Variants in CDK19 observed in about 807,000 individuals in gnomAD.
CDK19 encodes cyclin-dependent kinase 19.
In CDK19, 20 loss-of-function variants were observed where a neutral mutation model predicts 68.3. The observed-to-expected ratio is 0.29, with a 90% CI of 0.21 to 0.43. CDK19 has a LOEUF of 0.43. Ranked by LOEUF, CDK19 falls within the 20% of genes least tolerant of loss-of-function variation. The pLI is 1.00. For synonymous variants in CDK19, 221 were observed against 222.8 expected, an observed-to-expected ratio of 0.99 and a Z score of 0.07; for missense variants, 339 against 623.5, an observed-to-expected ratio of 0.54 and a Z score of 4.86.
intron 2 of CDK19, among the ~76,000 whole-genome samples, chr6:110,673,696 G>A (rs1385024187): frequency 6.6e-6 from 1 of 151,924 alleles, no homozygotes; most frequent in South Asian, 2.1e-4. Context: ...ACTTCCTTCA[G>A]GTGAGAAGTG....
At chr6:110,690,609 A>G (rs895568070) in intron 2 of CDK19, among the ~76,000 whole-genome samples, 7 of 152,236 alleles carry the variant, frequency 4.6e-5, no homozygotes, top group African/African-American at 1.7e-4. Context: ...GAAAAAATAA[A>G]TAAGTAAGTC....
chr6:110,654,464 G>A (rs1054701451), intron 4 of CDK19, among the ~76,000 whole-genome samples: 1 of 152,182 alleles, frequency 6.6e-6, no homozygotes, highest in Non-Finnish European at 1.5e-5. Context: ...TAGAGGGCAG[G>A]GAGAGTCATT....
intron 1 of CDK19, among the ~76,000 whole-genome samples, chr6:110,755,678 CAAGAA>C (rs1315789680): frequency 6.6e-6 from 1 of 152,148 alleles, no homozygotes; most frequent in Non-Finnish European, 1.5e-5. Flanking sequence ...TGAAAAAACA[CAAGAA>C]AAGAGCAAAG....
chr6:110,800,652 A>C (rs1276534946), intron 1 of CDK19, among the ~76,000 whole-genome samples: 1 of 152,196 alleles, frequency 6.6e-6, no homozygotes, highest in African/African-American at 2.4e-5. Context: ...CAACACATAC[A>C]AATCAAGAAA....
In CDK19 at chr6:110,774,176, G is replaced by A. The variant is rs187732919; in HGVS notation, c.129-27975C>T. Among the ~76,000 whole-genome samples the A allele has an allele frequency of 4.5e-4, 68 of 152,186 alleles. 1 individual carries two copies. The highest frequency in any genetic ancestry group is 5.1e-4 in the African/African-American group (21 of 41,518). On this transcript the variant is annotated intron_variant, in intron 1 of 12. Coordinates refer to ENST00000368911, the MANE Select transcript of CDK19 (RefSeq NM_015076.5). ...GAGCCTTAACTAATTATATTCTTAC[G>A]AAAAGAACCAATTTATACTATTGGA...
intron 2 of CDK19, among the ~76,000 whole-genome samples, chr6:110,727,949 C>T (rs1259325984): frequency 1.3e-5 from 2 of 150,166 alleles, no homozygotes; most frequent in Non-Finnish European, 2.9e-5. Context: ...TATCCTGCCA[C>T]TGCACTGCAG....
chr6:110,666,150 TCA>T (rs1781911865), intron 4 of CDK19, among the ~76,000 whole-genome samples: 1 of 146,450 alleles, frequency 6.8e-6, no homozygotes, highest in African/African-American at 2.5e-5. Flanking sequence ...GCACGGTGGC[TCA>T]CACATGTAAT....
chr6:110,796,741 A>G (rs802677), intron 1 of CDK19, among the ~76,000 whole-genome samples: 43,566 of 150,086 alleles, frequency 0.29, 6,948 homozygotes, highest in East Asian at 0.69. Context: ...AGGCACGGTG[A>G]CTCACGCCTG....
At chr6:110,746,743 C>T (rs1583010810) in intron 1 of CDK19, among the ~76,000 whole-genome samples, 1 of 152,168 alleles carries the variant, frequency 6.6e-6, no homozygotes, top group South Asian at 2.1e-4. Flanking sequence ...GATTTCAAAG[C>T]TCTAGCCACC....
At chr6:110,812,411 C>G (rs1326045703) in intron 1 of CDK19, among the ~76,000 whole-genome samples, 1 of 152,116 alleles carries the variant, frequency 6.6e-6, no homozygotes, top group African/African-American at 2.4e-5. Flanking sequence ...CGTGAGCCAC[C>G]GCACCCGACC....
intron 1 of CDK19, among the ~76,000 whole-genome samples, chr6:110,755,664 G>A (rs1161998507): frequency 6.6e-6 from 1 of 152,152 alleles, no homozygotes; most frequent in Non-Finnish European, 1.5e-5. Flanking sequence ...TAGAATACAA[G>A]AGGTGAAAAA....
At chr6:110,808,966 G>C (rs1383955379) in intron 1 of CDK19, among the ~76,000 whole-genome samples, 3 of 152,038 alleles carry the variant, frequency 2.0e-5, no homozygotes, top group African/African-American at 7.2e-5. Context: ...CGGCACTTTG[G>C]GAGGCCGAGG....
At chr6:110,645,354 C>T (rs2691176) in intron 4 of CDK19, among the ~76,000 whole-genome samples, 36,073 of 151,950 alleles carry the variant, frequency 0.24, 4,605 homozygotes, top group African/African-American at 0.33. Context: ...TTAAAATATT[C>T]AGAATTGAAA....
chr6:110,641,646 A>AAAGGAAGGAAGGAAGG (rs71553305), intron 4 of CDK19, among the ~76,000 whole-genome samples: 3,409 of 131,282 alleles, frequency 0.026, 71 homozygotes, highest in Middle Eastern at 0.069. Context: ...AAAGGGAAAG[A>AAAGGAAGGAAGGAAGG]AAGGAAGGAA....
intron 4 of CDK19, among the ~76,000 whole-genome samples, chr6:110,662,577 A>G (rs1290097884): frequency 6.6e-6 from 1 of 152,202 alleles, no homozygotes; most frequent in Non-Finnish European, 1.5e-5. Context: ...ATGAGCACAA[A>G]CAATATGCCA....
chr6:110,762,994 C>G (rs1394465616), intron 1 of CDK19, among the ~76,000 whole-genome samples: 2 of 152,098 alleles, frequency 1.3e-5, no homozygotes, highest in African/African-American at 4.8e-5. Flanking sequence ...TAGAGGTTTA[C>G]AGTAAGAGTC....
At chr6:110,782,099 A>G (rs1780867109) in intron 1 of CDK19, among the ~76,000 whole-genome samples, 1 of 152,244 alleles carries the variant, frequency 6.6e-6, no homozygotes, top group South Asian at 2.1e-4. Flanking sequence ...GCATGATATA[A>G]TAGCTTTTAT....
At chr6:110,687,085 C>T (rs996835305) in intron 2 of CDK19, among the ~76,000 whole-genome samples, 4 of 152,202 alleles carry the variant, frequency 2.6e-5, no homozygotes, top group Non-Finnish European at 5.9e-5. Flanking sequence ...GCATTTTCTG[C>T]TTTTACTAAA....
chr6:110,704,943 G>A (rs544684307), intron 2 of CDK19, among the ~76,000 whole-genome samples: 1 of 152,228 alleles, frequency 6.6e-6, no homozygotes, highest in East Asian at 1.9e-4. Context: ...TTGATAGGCT[G>A]AGGGAAAATG....
Sources: allele counts gnomAD v4.1 joint callset (sites outside exome capture counted in the v4.1 genomes callset), GRCh38; gene constraint gnomAD v4.1.1; transcripts MANE v1.5; gene names NCBI Gene and HGNC (gene_info 2026-07-23, HGNC 2026-07-21).